The following RIPOR2 variants were observed in gnomAD, a reference collection of about 807,000 sequenced individuals.
The protein encoded by RIPOR2 is rho family-interacting cell polarization regulator 2.
Under a neutral mutation model 114.5 loss-of-function variants are expected in RIPOR2, and 39 were observed. The observed-to-expected ratio is 0.34, with a 90% CI of 0.26 to 0.44. The LOEUF (loss-of-function observed/expected upper bound fraction) is 0.44, where lower values mean the gene tolerates loss of function less well. Among genes scored for constraint, RIPOR2 ranks in the 20% least tolerant of loss-of-function variants. The probability of loss-of-function intolerance (pLI) is 1.00; values close to 1 mark genes in which losing one functional copy is unlikely to be tolerated. For missense variants in RIPOR2, 1,007 were observed against 1,255.1 expected (o/e 0.80, Z 2.99); for synonymous variants, 445 against 484.4 (o/e 0.92, Z 1.07).
intron 1 of RIPOR2, among the ~76,000 whole-genome samples, chr6:24,974,792 G>T (rs1306713266): frequency 2.0e-5 from 3 of 152,220 alleles, no homozygotes; most frequent in African/African-American, 7.2e-5. Context: ...TAGTCATACA[G>T]TGCAAGATTA....
At chr6:24,870,280 G>A (rs1458479905) in intron 5 of RIPOR2, among the ~76,000 whole-genome samples, 1 of 152,140 alleles carries the variant, frequency 6.6e-6, no homozygotes, top group Non-Finnish European at 1.5e-5. Flanking sequence ...CACAGGTAAA[G>A]GCCTCCAAAC....
intron 1 of RIPOR2, chr6:24,947,897 C>T (rs1024296442): frequency 2.0e-5 from 3 of 152,156 alleles, no homozygotes; most frequent in Non-Finnish European, 2.9e-5. Flanking sequence ...GGCCTTCAAA[C>T]GCTATATCCC....
chr6:24,999,939 A>G (rs1278990489), intron 1 of RIPOR2, among the ~76,000 whole-genome samples: 5 of 152,070 alleles, frequency 3.3e-5, no homozygotes, highest in Non-Finnish European at 7.4e-5. Flanking sequence ...ATGTTTGGGG[A>G]CCTCTCTGAG....
rs565260234 is a variant in RIPOR2 at position 24,873,077 on chromosome 6, G to C, written c.345-118C>G. 7.3e-5 allele frequency: 49 copies of C among 674,328 alleles called. No individual in the cohort carries two copies. In the South Asian group the frequency reaches 8.0e-4, roughly 11 times the overall value. The allele number at this position is 674,328 out of a possible 1,614,324, so 41.8% of individuals were successfully genotyped here. A position where few individuals can be genotyped will look rare whatever the true frequency, so the allele number is the denominator to read the frequency against. On this transcript the variant is annotated intron_variant, in intron 3 of 21. Coordinates refer to ENST00000643898, the MANE Select transcript of RIPOR2 (RefSeq NM_001286445.3). Reference sequence around the variant, plus strand: ...AGAATTGAACCTTGCTCTGTAGTTGGGCAGGAGGCTTTGTATTTTCCCAGT... The same window carrying C: ...AGAATTGAACCTTGCTCTGTAGTTGCGCAGGAGGCTTTGTATTTTCCCAGT...
intron 1 of RIPOR2, among the ~76,000 whole-genome samples, chr6:24,973,945 A>G (rs529624232): frequency 3.3e-5 from 5 of 152,344 alleles, no homozygotes; most frequent in Admixed American, 6.5e-5. Flanking sequence ...GGATGACTAG[A>G]GGACGGAGAG....
chr6:25,033,162 C>T (rs1300248718), intron 1 of RIPOR2, among the ~76,000 whole-genome samples: 1 of 151,798 alleles, frequency 6.6e-6, no homozygotes, highest in Non-Finnish European at 1.5e-5. Flanking sequence ...CTCCAGTGAG[C>T]CGCGACGGCG....
intron 1 of RIPOR2, among the ~76,000 whole-genome samples, chr6:24,995,914 T>C (rs1042680135): frequency 1.3e-5 from 2 of 151,636 alleles, no homozygotes; most frequent in Non-Finnish European, 2.9e-5. Flanking sequence ...GCCATTCTCC[T>C]GCCTCAGCCT....
At position 24,956,071 on chromosome 6, in the gene RIPOR2, G is replaced by C. The variant is rs531380849; in HGVS notation, c.77-80254C>G. 3.3e-5 allele frequency among the ~76,000 whole-genome samples: 5 copies of C among 150,916 alleles called. No individual in the cohort carries two copies. In the South Asian group the frequency reaches 1.0e-3, roughly 31 times the overall value. On this transcript the variant is annotated intron_variant, in intron 1 of 13. Transcript: ENST00000510784. ...TTTTGTAATTAATCATATCCATATT[G>C]AAAATGTTAGGAAATATGAAAGACA...
At chr6:24,976,813 C>T (rs1774075221) in intron 1 of RIPOR2, 3 of 1,611,094 alleles carry the variant, frequency 1.9e-6, no homozygotes, top group Non-Finnish European at 8.5e-7. Context: ...CAAATGGTTC[C>T]CAGTTTTTCA....
At chr6:24,974,009 T>C (rs1773916769) in intron 1 of RIPOR2, among the ~76,000 whole-genome samples, 1 of 152,190 alleles carries the variant, frequency 6.6e-6, no homozygotes, top group African/African-American at 2.4e-5. Flanking sequence ...GTTCACTACC[T>C]GGGTGACCTG....
intron 1 of RIPOR2, among the ~76,000 whole-genome samples, chr6:24,887,858 G>A (rs1389083923): frequency 1.3e-5 from 2 of 152,120 alleles, no homozygotes; most frequent in African/African-American, 2.4e-5. Context: ...GTAGCAGCTG[G>A]CCTCACGATA....
chr6:24,861,626 A>C (rs1764081355), intron 7 of RIPOR2, among the ~76,000 whole-genome samples: 1 of 152,222 alleles, frequency 6.6e-6, no homozygotes, highest in Non-Finnish European at 1.5e-5. Flanking sequence ...ATTGTATTAC[A>C]TATTTCTGTG....
chr6:24,989,220 TAAAC>T (rs1267480186), intron 1 of RIPOR2, among the ~76,000 whole-genome samples: 1 of 152,086 alleles, frequency 6.6e-6, no homozygotes, highest in African/African-American at 2.4e-5. Context: ...TATAATATCT[TAAAC>T]AAATTTGAGG....
chr6:24,979,280 ATTCTT>A (rs1436276932), intron 1 of RIPOR2, among the ~76,000 whole-genome samples: 1 of 121,226 alleles, frequency 8.2e-6, no homozygotes, highest in African/African-American at 3.5e-5. Flanking sequence ...TGATAGGGAA[ATTCTT>A]TTTTTTTTTT....
Position 24,883,498 on chromosome 6 carries a change from G to C in RIPOR2, c.62-7681C>G, listed in dbSNP as rs980075364. 6.6e-6 allele frequency among the ~76,000 whole-genome samples: 1 copy of C among 152,172 alleles called. No individual in the cohort carries two copies. The highest frequency in any genetic ancestry group is 1.5e-5 in the Non-Finnish European group (1 of 68,020). ...GGCAAGGAAGCAGAGAGAGGTTTTG[G>C]GGGTGGTGGAAGTGTTCTAAAAGCA... On this transcript the variant is annotated intron_variant, in intron 1 of 21. Coordinates refer to ENST00000643898, the MANE Select transcript of RIPOR2 (RefSeq NM_001286445.3). The surrounding 1 kb of genome is among the most constrained non-coding windows in gnomAD (Gnocchi z 4.1).
chr6:24,837,593 A>T (rs1761228704), intron 14 of RIPOR2, among the ~76,000 whole-genome samples: 1 of 152,170 alleles, frequency 6.6e-6, no homozygotes, highest in Non-Finnish European at 1.5e-5. Context: ...TATTTTTAGT[A>T]GAGATGGCAT....
intron 13 of RIPOR2, chr6:24,839,791 T>A (rs1488718929): frequency 4.4e-6 from 6 of 1,371,928 alleles, no homozygotes; most frequent in Non-Finnish European, 5.6e-6. Context: ...AATCTCTAAT[T>A]CCAAGTGGCA....
intron 1 of RIPOR2, among the ~76,000 whole-genome samples, chr6:24,983,381 C>G (rs545260714): frequency 1.2e-4 from 19 of 152,018 alleles, no homozygotes; most frequent in Non-Finnish European, 2.8e-4. Context: ...ATCATACAAG[C>G]TTTGGAATCT....
chr6:24,806,342 T>G lies in RIPOR2; in HGVS notation c.*31A>C. Reference sequence around the variant, plus strand: ...CCATCCTGATGAAAAGGGCCAGATATTAAGACAGCTGTTAGGCAGTTAACC... The same window carrying G: ...CCATCCTGATGAAAAGGGCCAGATAGTAAGACAGCTGTTAGGCAGTTAACC... On this transcript the variant is annotated 3_prime_UTR_variant, in exon 22 of 22. Coordinates refer to ENST00000643898, the MANE Select transcript of RIPOR2 (RefSeq NM_001286445.3). 1 of 1,425,634 alleles carries G rather than the reference T, an allele frequency of 7.0e-7. No homozygotes were observed. 88.3% of individuals were successfully genotyped at this position (1,425,634 alleles called of 1,614,324 possible).
Sources: allele counts gnomAD v4.1 joint callset (sites outside exome capture counted in the v4.1 genomes callset), GRCh38; gene constraint gnomAD v4.1.1; non-coding constraint Gnocchi (gnomAD v3.1); transcripts MANE v1.5; gene names NCBI Gene and HGNC (gene_info 2026-07-23, HGNC 2026-07-21).